HECW2: variants seen among roughly 807,000 people sequenced by gnomAD.
HECW2 encodes the protein E3 ubiquitin-protein ligase HECW2.
In HECW2, 61 loss-of-function variants were observed where a neutral mutation model predicts 175.2. The observed-to-expected ratio is 0.35, with a 90% CI of 0.28 to 0.43. The LOEUF is 0.43. Among genes scored for constraint, HECW2 ranks in the 20% least tolerant of loss-of-function variants. The probability of loss-of-function intolerance (pLI) is 1.00; values close to 1 mark genes in which losing one functional copy is unlikely to be tolerated. For synonymous variants in HECW2, 671 were observed against 731.0 expected, an observed-to-expected ratio of 0.92 and a Z score of 1.32; for missense variants, 1,524 against 2,000.5, an observed-to-expected ratio of 0.76 and a Z score of 4.54.
At chr2:196,560,137 T>C (rs941612924) in intron 1 of HECW2, among the ~76,000 whole-genome samples, 2 of 152,194 alleles carry the variant, frequency 1.3e-5, no homozygotes, top group Non-Finnish European at 2.9e-5. Flanking sequence ...CCTGATGATG[T>C]TGCTGCTGCA....
intron 18 of HECW2, among the ~76,000 whole-genome samples, chr2:196,254,980 T>C (rs2105916801): frequency 6.6e-6 from 1 of 150,842 alleles, no homozygotes; most frequent in East Asian, 1.9e-4. Flanking sequence ...TCCTTTTTTT[T>C]TTTTTTTTTC....
chr2:196,308,749 G>A (rs963022366), intron 10 of HECW2, among the ~76,000 whole-genome samples: 1 of 152,168 alleles, frequency 6.6e-6, no homozygotes, highest in African/African-American at 2.4e-5. Flanking sequence ...TCTTTCTAGA[G>A]AGATATACAA....
At chr2:196,357,144 G>A (rs1328670704) in intron 2 of HECW2, among the ~76,000 whole-genome samples, 1 of 152,200 alleles carries the variant, frequency 6.6e-6, no homozygotes, top group African/African-American at 2.4e-5. Context: ...AAGAGAGGAT[G>A]GCACACGATG....
chr2:196,530,920 C>G (rs1438882586), intron 1 of HECW2, among the ~76,000 whole-genome samples: 1 of 152,208 alleles, frequency 6.6e-6, no homozygotes, highest in Non-Finnish European at 1.5e-5. Flanking sequence ...ACACTATCCT[C>G]TTACCATGAG....
At chr2:196,561,188 G>A (rs1689988655) in intron 1 of HECW2, among the ~76,000 whole-genome samples, 2 of 152,306 alleles carry the variant, frequency 1.3e-5, no homozygotes, top group East Asian at 1.9e-4. Context: ...TCCCAGAGGA[G>A]GCCTCTAAAA....
At chr2:196,574,857 C>A (rs1690506429) in intron 1 of HECW2, among the ~76,000 whole-genome samples, 1 of 151,906 alleles carries the variant, frequency 6.6e-6, no homozygotes, top group African/African-American at 2.4e-5. Flanking sequence ...GAATAAAAAG[C>A]CAAGAAATTA....
At chr2:196,367,976 CATATATATGATACAT>C (rs1006468069) in intron 2 of HECW2, among the ~76,000 whole-genome samples, 4 of 151,232 alleles carry the variant, frequency 2.6e-5, no homozygotes, top group African/African-American at 9.7e-5. Flanking sequence ...ATATGAGATA[CATATATATGATACAT>C]ATATATATAT....
At chr2:196,322,390 T>C in intron 7 of HECW2, 88 bp downstream of exon 7, 2 of 1,041,784 alleles carry the variant, frequency 1.9e-6, no homozygotes, top group Non-Finnish European at 2.8e-6. Context: ...CTTATCAGTA[T>C]GAAAAGTCCT....
At chr2:196,447,077 GGA>G (rs1322696979) in intron 1 of HECW2, among the ~76,000 whole-genome samples, 2 of 152,130 alleles carry the variant, frequency 1.3e-5, no homozygotes, top group Non-Finnish European at 2.9e-5. Context: ...ATGTGAATAA[GGA>G]AACAGTTCTC....
rs1222463786 is a variant in HECW2 at position 196,306,536 on chromosome 2, C to T, written c.2766G>A (p.Val922=). 1.2e-6 allele frequency: 2 copies of T among 1,612,754 alleles called. No individual in the cohort carries two copies. The highest frequency in any genetic ancestry group is 1.7e-6 in the Non-Finnish European group (2 of 1,179,374). The part of the protein sequence containing the change: ...RITLLLQSPP[V]KFLISPEFFT... ...AGAACTCTGGGCTGATGAGGAACTT[C>T]ACGGGGGGAGACTGTAACAGCAACG... The change falls in exon 13 of 29, where the codon GTG becomes GTA. Residue 922 remains valine, a synonymous_variant. Transcript: ENST00000644978.
intron 1 of HECW2, among the ~76,000 whole-genome samples, chr2:196,459,679 C>A (rs1310010809): frequency 6.6e-6 from 1 of 152,116 alleles, no homozygotes; most frequent in African/African-American, 2.4e-5. Flanking sequence ...CTCCTGAAAC[C>A]GCCCCTCCTT....
At chr2:196,505,039 A>G (rs1272275880) in intron 1 of HECW2, among the ~76,000 whole-genome samples, 4 of 152,178 alleles carry the variant, frequency 2.6e-5, no homozygotes, top group Non-Finnish European at 4.4e-5. Flanking sequence ...TCCTGCTTGC[A>G]TGAATGGTTG....
chr2:196,472,340 G>A (rs1697237454), intron 1 of HECW2, among the ~76,000 whole-genome samples: 1 of 151,290 alleles, frequency 6.6e-6, no homozygotes, highest in Non-Finnish European at 1.5e-5. Flanking sequence ...AAAAATTTGG[G>A]GGTGGTCAGG....
chr2:196,522,493 T>C (rs2125437027), intron 1 of HECW2, among the ~76,000 whole-genome samples: 1 of 151,716 alleles, frequency 6.6e-6, no homozygotes, highest in East Asian at 1.9e-4. Context: ...TTAGATCCCA[T>C]TTGTCAATTT....
At chr2:196,501,433 G>T (rs1394897478) in intron 1 of HECW2, among the ~76,000 whole-genome samples, 1 of 151,926 alleles carries the variant, frequency 6.6e-6, no homozygotes, top group Admixed American at 6.6e-5. Flanking sequence ...AAAAATATAA[G>T]TTTTTGTATT....
intron 1 of HECW2, among the ~76,000 whole-genome samples, chr2:196,494,414 C>CA (rs1345889713): frequency 1.3e-5 from 2 of 152,106 alleles, no homozygotes; most frequent in Non-Finnish European, 2.9e-5. Flanking sequence ...CCCCAGGTAA[C>CA]AGGGAAGATG....
chr2:196,486,518 G>C (rs1289073094), intron 1 of HECW2, among the ~76,000 whole-genome samples: 1 of 152,130 alleles, frequency 6.6e-6, no homozygotes, highest in African/African-American at 2.4e-5. Flanking sequence ...TTATACACAG[G>C]AGTGACCCTA....
At chr2:196,267,694 T>C (rs974311924) in intron 17 of HECW2, among the ~76,000 whole-genome samples, 4 of 152,138 alleles carry the variant, frequency 2.6e-5, no homozygotes, top group Non-Finnish European at 2.9e-5. Context: ...CAGTGAAGTC[T>C]CAGGGAAGAG....
intron 19 of HECW2, among the ~76,000 whole-genome samples, chr2:196,245,996 A>G (rs1688629910): frequency 6.6e-6 from 1 of 152,216 alleles, no homozygotes; most frequent in Admixed American, 6.5e-5. Flanking sequence ...GATGATTCCA[A>G]TGTGTAATGT....
Sources: allele counts gnomAD v4.1 joint callset (sites outside exome capture counted in the v4.1 genomes callset), GRCh38; gene constraint gnomAD v4.1.1; transcripts MANE v1.5; gene names NCBI Gene and HGNC (gene_info 2026-07-23, HGNC 2026-07-21).